FBXO21: variants seen among roughly 807,000 people sequenced by gnomAD.
FBXO21 encodes the protein F-box only protein 21.
Under a neutral mutation model 76.6 loss-of-function variants are expected in FBXO21, and 32 were observed. The ratio of observed to expected loss-of-function variants is 0.42; its 90% CI spans 0.32 to 0.56. The LOEUF is 0.56. Ranked by LOEUF, FBXO21 falls within the 20% of genes least tolerant of loss-of-function variation. The probability of loss-of-function intolerance (pLI) is 0.16; values close to 1 mark genes in which losing one functional copy is unlikely to be tolerated. For synonymous variants in FBXO21, 328 were observed against 311.5 expected (o/e 1.05, Z -0.56); for missense variants, 586 against 797.3 (o/e 0.73, Z 3.19).
intron 3 of FBXO21, among the ~76,000 whole-genome samples, chr12:117,181,580 G>T (rs536451181): frequency 9.3e-6 from 1 of 107,938 alleles, no homozygotes; most frequent in African/African-American, 5.2e-5. Flanking sequence ...TCGATCGATC[G>T]ATCTATCTAT....
intron 11 of FBXO21, among the ~76,000 whole-genome samples, chr12:117,150,956 T>G (rs868261345): frequency 1.3e-4 from 12 of 94,710 alleles, no homozygotes; most frequent in African/African-American, 2.9e-4. Flanking sequence ...TCAAATAAGT[T>G]TGTGTGTGTG....
intron 3 of FBXO21, among the ~76,000 whole-genome samples, chr12:117,185,082 A>T (rs1956269572): frequency 6.6e-6 from 1 of 152,158 alleles, no homozygotes; most frequent in Admixed American, 6.5e-5. Context: ...GGTCTGTACT[A>T]AACACCAAAC....
At chr12:117,157,833 T>C in intron 10 of FBXO21, 40 bp downstream of exon 10, 15 of 1,533,422 alleles carry the variant, frequency 9.8e-6, no homozygotes, top group African/African-American at 1.4e-5. Flanking sequence ...GCAGCCCCTC[T>C]GGAACGGACA....
chr12:117,187,420 CAAAA>C (rs921514232), intron 2 of FBXO21, among the ~76,000 whole-genome samples: 116 of 59,692 alleles, frequency 1.9e-3, no homozygotes, highest in African/African-American at 3.4e-3. Flanking sequence ...AACTCTGTCT[CAAAA>C]AAAAAAAAAA....
intron 3 of FBXO21, among the ~76,000 whole-genome samples, chr12:117,182,592 C>T (rs1388825763): frequency 4.1e-5 from 3 of 72,410 alleles, no homozygotes; most frequent in Admixed American, 2.0e-4. Flanking sequence ...TTTTTTGGAC[C>T]GAGTCTGTCG....
In FBXO21 at chr12:117,146,067, T is replaced by A; in HGVS notation, c.*20A>T. The stretch of plus-strand genomic sequence containing the variant: ...TGGAAGATAGCAGCAGCAGCAAAGG[T>A]GCAATGTCCTCTCTAGACTTTACTC... On this transcript the variant is annotated 3_prime_UTR_variant, in exon 12 of 12. Coordinates refer to ENST00000622495, the MANE Select transcript of FBXO21 (RefSeq NM_015002.3). 1.9e-6 allele frequency: 3 copies of A among 1,541,780 alleles called. No individual in the cohort carries two copies. Among genetic ancestry groups the A allele is most frequent in the Non-Finnish European group, 2.6e-6 (3 of 1,144,574 alleles).
intron 1 of FBXO21, among the ~76,000 whole-genome samples, 174 bp downstream of exon 1, chr12:117,190,044 G>A (rs573282180): frequency 1.3e-5 from 2 of 152,034 alleles, no homozygotes; most frequent in South Asian, 4.1e-4. Context: ...GGGTCCGCCT[G>A]GCGTGGCCCC....
chr12:117,170,133 C>A (rs1246346272), intron 7 of FBXO21, among the ~76,000 whole-genome samples: 1 of 135,046 alleles, frequency 7.4e-6, no homozygotes, highest in Non-Finnish European at 1.6e-5. Flanking sequence ...TTAAAAATTA[C>A]CATTTACAAC....
chr12:117,179,061 G>GA (rs1377376539), intron 3 of FBXO21, among the ~76,000 whole-genome samples: 7 of 152,176 alleles, frequency 4.6e-5, no homozygotes, highest in Non-Finnish European at 1.0e-4. Flanking sequence ...AGACAGTGAT[G>GA]AAACTTATCT....
intron 2 of FBXO21, 94 bp downstream of exon 2, chr12:117,189,133 G>T: frequency 7.2e-7 from 1 of 1,396,352 alleles, no homozygotes; most frequent in Non-Finnish European, 1.0e-6. Flanking sequence ...CATTGAAAAG[G>T]GAGATACGAA....
intron 8 of FBXO21, 105 bp downstream of exon 8, chr12:117,166,793 A>C (rs1956058069): frequency 2.3e-6 from 2 of 869,314 alleles, no homozygotes; most frequent in Admixed American, 4.3e-5. Flanking sequence ...CTTAGGGTCT[A>C]CTGCAAAGAT....
chr12:117,186,326 C>T (rs1956283437), intron 3 of FBXO21, 151 bp downstream of exon 3: 2 of 648,422 alleles, frequency 3.1e-6, no homozygotes, highest in Non-Finnish European at 5.4e-6. Context: ...GGTGTATCTA[C>T]CTAATATACA....
chr12:117,160,377 T>A (rs961356175), intron 9 of FBXO21, among the ~76,000 whole-genome samples: 4 of 152,186 alleles, frequency 2.6e-5, no homozygotes, highest in African/African-American at 9.7e-5. Context: ...ATCCATTGTC[T>A]ATGGATCCGC....
Position 117,186,566 on chromosome 12 carries a change from A to G in FBXO21, c.381T>C (p.Pro127=). The G allele has an allele frequency of 6.2e-7, 1 of 1,608,596 alleles. No homozygotes were observed. Among genetic ancestry groups the G allele is most frequent in the Non-Finnish European group, 8.5e-7 (1 of 1,176,924 alleles). ...FSKRFFSEHV[P]CNGFSDIENL... is the part of the protein sequence containing the mutation. ...TCTCAATGTCACTGAAGCCATTACA[A>G]GGAACCTATGAAGAAGACATATACA... The change falls in exon 3 of 12, where the codon CCT becomes CCC. Residue 127 remains proline (P), a synonymous_variant. Transcript: ENST00000622495.
At chr12:117,183,497 T>C (rs897928496) in intron 3 of FBXO21, among the ~76,000 whole-genome samples, 1 of 152,180 alleles carries the variant, frequency 6.6e-6, no homozygotes, top group Admixed American at 6.5e-5. Flanking sequence ...TGACCTCAGA[T>C]GATCCAAGGA....
chr12:117,172,371 C>T, intron 7 of FBXO21, 100 bp downstream of exon 7: 1 of 1,352,576 alleles, frequency 7.4e-7, no homozygotes, highest in Non-Finnish European at 1.0e-6. Context: ...TATTTTTAAC[C>T]TGTGTGGTAA....
rs755741968 is a variant in FBXO21, at chr12:117,158,055, G to A, written c.1335C>T (p.Asp445=). The change falls in exon 10 of 12, where the codon GAC becomes GAT. Residue 445 remains aspartate (D), a synonymous_variant. Coordinates refer to ENST00000622495, the MANE Select transcript of FBXO21 (RefSeq NM_015002.3). ...HLGIWPEKVL[D]ILQHIQTLDP... is the part of the protein sequence containing the mutation. ...CTAGGGTTTGGATGTGCTGGAGGATGTCAAGCACCTTCAAAACAAGACAGA... is the reference window on the plus strand; with the variant it reads ...CTAGGGTTTGGATGTGCTGGAGGATATCAAGCACCTTCAAAACAAGACAGA... 3.1e-6 allele frequency: 5 copies of A among 1,614,044 alleles called. No individual in the cohort carries two copies. Among genetic ancestry groups the A allele is most frequent in the African/African-American group, 1.3e-5 (1 of 74,942 alleles).
At chr12:117,179,873 G>A (rs1956211426) in intron 3 of FBXO21, among the ~76,000 whole-genome samples, 1 of 152,192 alleles carries the variant, frequency 6.6e-6, no homozygotes, top group Admixed American at 6.5e-5. Flanking sequence ...CATGGAAAAG[G>A]CAGGATAAAT....
intron 7 of FBXO21, among the ~76,000 whole-genome samples, chr12:117,168,788 G>A (rs1956087441): frequency 6.6e-6 from 1 of 152,194 alleles, no homozygotes; most frequent in African/African-American, 2.4e-5. Flanking sequence ...TGCAACAATC[G>A]AAGGAGAGTT....
Sources: gnomAD v4.1 joint callset for allele counts (sites outside exome capture counted in the v4.1 genomes callset) on GRCh38, gnomAD v4.1.1 for gene constraint, MANE v1.5 for transcripts, NCBI Gene and HGNC (gene_info 2026-07-23, HGNC 2026-07-21) for gene names.